Variants in EP400 observed in about 807,000 individuals in gnomAD.
EP400 encodes the protein E1A binding protein p400.
A neutral mutation model predicts 354.1 loss-of-function variants in EP400; 105 were observed. That is an observed-to-expected ratio of 0.30 (90% CI 0.25 to 0.35). EP400 has a LOEUF of 0.35. EP400 is among the 10% of genes least tolerant of loss of function. The pLI is 1.00. For synonymous variants in EP400, 1,646 were observed against 1,716.9 expected (o/e 0.96, Z 1.02); for missense variants, 3,280 against 4,121.0 (o/e 0.80, Z 5.59).
chr12:131,995,155 G>A, intron 12 of EP400, 199 bp downstream of exon 12: 1 of 515,776 alleles, frequency 1.9e-6, no homozygotes, highest in Non-Finnish European at 3.5e-6. Flanking sequence ...ACACTGCCCT[G>A]ACTGTCTTTC....
intron 1 of EP400, among the ~76,000 whole-genome samples, chr12:131,959,969 G>A (rs1048193603): frequency 1.3e-5 from 2 of 152,194 alleles, no homozygotes; most frequent in African/African-American, 4.8e-5. Context: ...AGTCCTGGAG[G>A]TTGATAAGAA....
In EP400 at chr12:131,956,346, GT is replaced by G. The variant is rs1891698515; in HGVS notation, c.-35-4238del. Among the ~76,000 whole-genome samples, 4 of 152,236 alleles carry G rather than the reference GT, an allele frequency of 2.6e-5. No individual in the cohort carries two copies. In the South Asian group the frequency reaches 8.3e-4, roughly 32 times the overall value. The stretch of plus-strand genomic sequence containing the variant: ...GGTCCTTTTCTGTATGTTTAACTTA[GT>G]GATTGTGTTATGCAATTGGTAACCT... On this transcript the variant is annotated intron_variant, in intron 1 of 52. Transcript: ENST00000389561.
intron 52 of EP400, 49 bp from the exon 53 acceptor site, chr12:132,077,352 T>G: frequency 6.3e-7 from 1 of 1,579,602 alleles, no homozygotes; most frequent in Non-Finnish European, 8.6e-7. Context: ...TTCCTGTCCC[T>G]GGACTGAGTT....
rs138751820 is a variant in EP400 at position 132,068,639 on chromosome 12, G to T, written c.8875-856G>T. On this transcript the variant is annotated intron_variant, in intron 50 of 52. Transcript: ENST00000389561. ...GGGGACACAAAGCCGGGAGGCGCAG[G>T]GTGTCTGGGTAGTGCCACCAGCTCC... 875 of 152,408 alleles carry T rather than the reference G, an allele frequency of 5.7e-3. 15 individuals carry two copies. In the South Asian group the frequency reaches 0.059, roughly 10 times the overall value. 9.4% of individuals were successfully genotyped at this position (152,408 alleles called of 1,614,324 possible).
rs1392801680 is a variant in EP400 at position 132,032,081 on chromosome 12, A to C, written c.5883A>C (p.Pro1961=). ...TGTTTTATGACAATGACCTGAATCC[A>C]GTGATGGATGCCAAAGCTCAGGAGT... ...TVVFYDNDLN[P]VMDAKAQEWC... Residue 1961 remains proline, a synonymous_variant, in exon 30 of 53, where the codon CCA becomes CCC. Transcript: ENST00000389561. The C allele has an allele frequency of 1.2e-6, 2 of 1,614,084 alleles. No individual in the cohort carries two copies. The highest frequency in any genetic ancestry group is 1.7e-6 in the Non-Finnish European group (2 of 1,180,022).
In EP400 at chr12:132,067,579, G is replaced by A. The variant is rs1222242237; in HGVS notation, c.8874+93G>A. On this transcript the variant is annotated intron_variant, in intron 50 of 52. Coordinates refer to ENST00000389561, the MANE Select transcript of EP400 (RefSeq NM_015409.5). This position sits in a 1 kb window ranked among gnomAD's most constrained non-coding sequence, Gnocchi z 5.3. ...GTCCTAAGCAGACAAATCCCCATGT[G>A]GCGGCTCACGCTTTTCAGAGGGTGG... 1.3e-6 allele frequency: 2 copies of A among 1,512,890 alleles called. No homozygotes were observed. Among genetic ancestry groups the A allele is most frequent in the Middle Eastern group, 2.4e-4 (1 of 4,126 alleles). 93.7% of individuals were successfully genotyped at this position (1,512,890 alleles called of 1,614,324 possible).
At chr12:131,983,469 C>T (rs1021824507) in intron 5 of EP400, among the ~76,000 whole-genome samples, 1 of 152,206 alleles carries the variant, frequency 6.6e-6, no homozygotes, top group African/African-American at 2.4e-5. Context: ...AAACTGGTTT[C>T]GGTTCCTAAG....
chr12:131,975,463 G>T (rs1351750032), intron 2 of EP400, among the ~76,000 whole-genome samples: 3 of 152,148 alleles, frequency 2.0e-5, no homozygotes, highest in Non-Finnish European at 4.4e-5. Flanking sequence ...CACTGTCCTG[G>T]TTCCTGGAGT....
chr12:132,030,975 A>G (rs189947404), intron 29 of EP400, among the ~76,000 whole-genome samples: 36 of 152,344 alleles, frequency 2.4e-4, no homozygotes, highest in African/African-American at 8.4e-4. Flanking sequence ...AGCCTGCTTT[A>G]TCTCACACAC....
chr12:131,980,309 A>G (rs553569806), intron 3 of EP400, among the ~76,000 whole-genome samples: 1 of 152,302 alleles, frequency 6.6e-6, no homozygotes, highest in Admixed American at 6.5e-5. Context: ...ATACTTTGAA[A>G]AAGTTGAGAT....
At position 131,981,525 on chromosome 12, in the gene EP400, A is replaced by G. The variant is rs1566171065; in HGVS notation, c.1472A>G (p.Gln491Arg). 2 of 1,596,352 alleles carry G rather than the reference A, an allele frequency of 1.3e-6. No individual in the cohort carries two copies. The highest frequency in any genetic ancestry group is 1.7e-6 in the Non-Finnish European group (2 of 1,171,570). ...AGGCCTCGCCTTGAAGTGGGTCACC[A>G]AGGGGTAGTTTTCCAGCACCCAGGG... is the stretch of plus-strand genomic sequence containing the variant. ...SKRPRLEVGH[Q>R]GVVFQHPGAD... Residue 491 changes from glutamine (Q) to arginine (R), a missense_variant, in exon 4 of 53, where the codon CAA becomes CGA. Coordinates refer to ENST00000389561, the MANE Select transcript of EP400 (RefSeq NM_015409.5).
chr12:131,976,641 T>G (rs1219732213), intron 2 of EP400, among the ~76,000 whole-genome samples: 6 of 151,790 alleles, frequency 4.0e-5, no homozygotes. Context: ...ACCCAGGAGG[T>G]GGAGGTTGCA....
At chr12:132,065,251 T>A in intron 48 of EP400, 1 of 284,172 alleles carries the variant, frequency 3.5e-6, no homozygotes, top group Non-Finnish European at 6.7e-6. Context: ...GCCGTAGGCA[T>A]GGGCAGGTGG....
At chr12:132,065,161 G>A (rs1895849045) in intron 48 of EP400, 3 of 581,198 alleles carry the variant, frequency 5.2e-6, no homozygotes, top group South Asian at 2.2e-5. Context: ...GATGCAGCCT[G>A]CGTGGCTTCC....
chr12:132,047,735 G>A (rs1053522362), intron 39 of EP400, among the ~76,000 whole-genome samples: 15 of 152,144 alleles, frequency 9.9e-5, no homozygotes, highest in Admixed American at 7.9e-4. Flanking sequence ...CAGGAAACAG[G>A]GTTTGAGAGC....
At position 132,017,319 on chromosome 12, in the gene EP400, TG is replaced by T. The variant is rs1360789632; in HGVS notation, c.3924-212del. Among the ~76,000 whole-genome samples, 8 of 152,092 alleles carry T rather than the reference TG, an allele frequency of 5.3e-5. No homozygotes were observed. Among genetic ancestry groups the T allele is most frequent in the Non-Finnish European group, 7.4e-5 (5 of 67,992 alleles). On this transcript the variant is annotated intron_variant, in intron 19 of 52. Transcript: ENST00000389561. This position sits in a 1 kb window ranked among gnomAD's most constrained non-coding sequence, Gnocchi z 5.0. Reference sequence around the variant, plus strand: ...GTGGCTGTCTTTCCGTCAGCTCTGGTGGGGCGGATGTCATTCTCAATGGGGA... The same window carrying T: ...GTGGCTGTCTTTCCGTCAGCTCTGGTGGGCGGATGTCATTCTCAATGGGGA...
intron 34 of EP400, 95 bp downstream of exon 34, chr12:132,043,823 C>A: frequency 8.7e-7 from 1 of 1,149,136 alleles, no homozygotes; most frequent in Non-Finnish European, 1.2e-6. Flanking sequence ...AAATTAAAGT[C>A]ACAAAAGCCA....
rs1894785937 is a variant in EP400, at chr12:132,038,405, G to A, written c.6207+309G>A. Among the ~76,000 whole-genome samples the A allele has an allele frequency of 6.6e-6, 1 of 152,190 alleles. No homozygotes were observed. The highest frequency in any genetic ancestry group is 2.1e-4 in the South Asian group (1 of 4,832). The stretch of plus-strand genomic sequence containing the variant: ...CCCCTCCCCATGGAAATCTATCCCT[G>A]CCTCCTCTGGAGGCTCTGCGGGCAC... On this transcript the variant is annotated intron_variant, in intron 32 of 52. Transcript: ENST00000389561. This position sits in a 1 kb window ranked among gnomAD's most constrained non-coding sequence, Gnocchi z 4.2.
At chr12:131,965,226 A>G (rs1442806330) in intron 2 of EP400, among the ~76,000 whole-genome samples, 2 of 152,252 alleles carry the variant, frequency 1.3e-5, no homozygotes, top group Non-Finnish European at 2.9e-5. Context: ...GGTTTCTACC[A>G]GGCCTGTCCA....
Sources: allele counts gnomAD v4.1 joint callset (sites outside exome capture counted in the v4.1 genomes callset), GRCh38; gene constraint gnomAD v4.1.1; non-coding constraint Gnocchi (gnomAD v3.1); transcripts MANE v1.5; gene names NCBI Gene and HGNC (gene_info 2026-07-23, HGNC 2026-07-21).